SNX13: variants seen among roughly 807,000 people sequenced by gnomAD.
SNX13 encodes the protein sorting nexin-13.
A neutral mutation model predicts 133.6 loss-of-function variants in SNX13; 45 were observed. The ratio of observed to expected loss-of-function variants is 0.34; its 90% CI spans 0.27 to 0.43. The LOEUF (loss-of-function observed/expected upper bound fraction) is 0.43. Ranked by LOEUF, SNX13 falls within the 20% of genes least tolerant of loss-of-function variation. The pLI, the probability that SNX13 is intolerant of heterozygous loss-of-function variation, is 1.00. For missense variants in SNX13, 1,032 were observed against 1,145.1 expected (o/e 0.90, Z 1.43); for synonymous variants, 414 against 373.9 (o/e 1.11, Z -1.24).
At chr7:17,880,316 A>C (rs2128362558) in intron 5 of SNX13, 1 of 152,350 alleles carries the variant, frequency 6.6e-6, no homozygotes, top group Non-Finnish European at 1.5e-5. Context: ...ACCAGCTGCG[A>C]GTAATTCCAA....
At position 17,791,486 on chromosome 7, in the gene SNX13, C is replaced by T. The variant is rs1472144769; in HGVS notation, c.*2559G>A. ...GAATATCCTAATTATAGGAAATGCC[C>T]ATCTAAGTGATATATTTAAATAATA... On this transcript the variant is annotated 3_prime_UTR_variant, in exon 26 of 26. Transcript: ENST00000428135. 1.3e-5 allele frequency: 2 copies of T among 151,544 alleles called. No homozygotes were observed. The highest frequency in any genetic ancestry group is 2.9e-5 in the Non-Finnish European group (2 of 67,834). 9.4% of individuals were successfully genotyped at this position (151,544 alleles called of 1,614,324 possible). A position where few individuals can be genotyped will look rare whatever the true frequency, so the allele number is the denominator to read the frequency against.
chr7:17,916,994 C>A (rs1470945924), intron 1 of SNX13, among the ~76,000 whole-genome samples: 2 of 152,152 alleles, frequency 1.3e-5, no homozygotes, highest in African/African-American at 4.8e-5. Flanking sequence ...TCTTGGCATG[C>A]AAGGATGGTT....
intron 22 of SNX13, among the ~76,000 whole-genome samples, chr7:17,800,615 G>T (rs1364783972): frequency 6.6e-6 from 1 of 151,676 alleles, no homozygotes; most frequent in East Asian, 1.9e-4. Flanking sequence ...TATAGCACAA[G>T]AAAGAAACCT....
intron 8 of SNX13, among the ~76,000 whole-genome samples, chr7:17,870,492 G>A (rs1219735491): frequency 2.6e-5 from 4 of 151,884 alleles, no homozygotes; most frequent in Non-Finnish European, 5.9e-5. Flanking sequence ...ATAAAATACC[G>A]GCCTAAAAGA....
intron 1 of SNX13, among the ~76,000 whole-genome samples, chr7:17,898,521 G>C (rs1190235353): frequency 6.6e-6 from 1 of 152,062 alleles, no homozygotes; most frequent in Non-Finnish European, 1.5e-5. Context: ...TACCATAAGG[G>C]ATAAAACATA....
chr7:17,883,831 G>T (rs1442334159), intron 5 of SNX13, among the ~76,000 whole-genome samples: 1 of 151,990 alleles, frequency 6.6e-6, no homozygotes. Context: ...TTGGTTTTCT[G>T]TTCTTGTGTT....
chr7:17,826,268 A>G, intron 16 of SNX13, among the ~76,000 whole-genome samples, 177 bp from the exon 17 acceptor site: 1 of 152,004 alleles, frequency 6.6e-6, no homozygotes, highest in East Asian at 1.9e-4. Context: ...AGGCTAACAG[A>G]AAAAAAGCAA....
intron 20 of SNX13, among the ~76,000 whole-genome samples, chr7:17,805,543 A>G (rs1021630264): frequency 6.6e-6 from 1 of 152,226 alleles, no homozygotes; most frequent in Non-Finnish European, 1.5e-5. Context: ...GCATTTCAGA[A>G]GCATAAAAGG....
At chr7:17,801,327 G>C (rs779042055) in intron 22 of SNX13, among the ~76,000 whole-genome samples, 31 of 151,606 alleles carry the variant, frequency 2.0e-4, no homozygotes, top group Non-Finnish European at 4.1e-4. Context: ...AAGCAGAGTA[G>C]AAGTTAGGAT....
At chr7:17,866,095 A>G (rs1035929180) in intron 9 of SNX13, among the ~76,000 whole-genome samples, 5 of 152,180 alleles carry the variant, frequency 3.3e-5, no homozygotes, top group Admixed American at 6.5e-5. Context: ...GATTTCTTAC[A>G]TAAGACCTCA....
chr7:17,907,791 T>C (rs1470086080), intron 1 of SNX13, among the ~76,000 whole-genome samples: 1 of 152,144 alleles, frequency 6.6e-6, no homozygotes, highest in Non-Finnish European at 1.5e-5. Flanking sequence ...AAATTAACAC[T>C]AGTTTGCAAG....
At chr7:17,881,247 C>CAG (rs1189741242) in intron 5 of SNX13, 1 of 151,778 alleles carries the variant, frequency 6.6e-6, no homozygotes, top group East Asian at 1.9e-4. Context: ...AACACACACA[C>CAG]ACACACACAC....
intron 20 of SNX13, among the ~76,000 whole-genome samples, chr7:17,807,813 C>T (rs919594867): frequency 4.9e-5 from 7 of 144,058 alleles, no homozygotes; most frequent in African/African-American, 1.9e-4. Flanking sequence ...GCTGGTGATA[C>T]TCGGGCAAAC....
intron 20 of SNX13, among the ~76,000 whole-genome samples, chr7:17,810,410 C>T (rs1785871122): frequency 6.6e-6 from 1 of 152,046 alleles, no homozygotes; most frequent in African/African-American, 2.4e-5. Flanking sequence ...CCTCCCAAGA[C>T]TAAACCAAGA....
chr7:17,937,289 T>G (rs1322657988), intron 1 of SNX13, among the ~76,000 whole-genome samples: 1 of 152,130 alleles, frequency 6.6e-6, no homozygotes, highest in Non-Finnish European at 1.5e-5. Context: ...CCATTTTAGC[T>G]TAATATAAAA....
chr7:17,895,122 ACAT>A (rs1452428139), intron 2 of SNX13, among the ~76,000 whole-genome samples: 13 of 152,336 alleles, frequency 8.5e-5, no homozygotes, highest in African/African-American at 7.2e-5. Context: ...GTTATTAAAA[ACAT>A]CATCAAGAAA....
intron 9 of SNX13, among the ~76,000 whole-genome samples, chr7:17,866,408 T>C (rs894986571): frequency 1.3e-5 from 2 of 152,072 alleles, no homozygotes; most frequent in Non-Finnish European, 2.9e-5. Flanking sequence ...ACAGCACTTA[T>C]CATCATAGAA....
intron 12 of SNX13, among the ~76,000 whole-genome samples, chr7:17,840,735 A>C (rs2128316918): frequency 6.6e-6 from 1 of 152,112 alleles, no homozygotes; most frequent in East Asian, 1.9e-4. Flanking sequence ...TGAATTTGGC[A>C]TGCAAAATAT....
chr7:17,858,692 A>T (rs1182315439), intron 9 of SNX13, among the ~76,000 whole-genome samples: 1 of 152,150 alleles, frequency 6.6e-6, no homozygotes, highest in Non-Finnish European at 1.5e-5. Flanking sequence ...CAAGTGTAAG[A>T]GACTCATACT....
Sources: allele counts gnomAD v4.1 joint callset (sites outside exome capture counted in the v4.1 genomes callset), GRCh38; gene constraint gnomAD v4.1.1; transcripts MANE v1.5; gene names NCBI Gene and HGNC (gene_info 2026-07-23, HGNC 2026-07-21).